Variants in AOPEP observed in about 807,000 individuals in gnomAD.
AOPEP encodes the protein aminopeptidase O (putative).
AOPEP carries 77 observed loss-of-function variants against 98.1 expected under a neutral mutation model. That is an observed-to-expected ratio of 0.78 (90% CI 0.65 to 0.95). AOPEP has a LOEUF of 0.95. AOPEP is among the 40% of genes least tolerant of loss of function. The probability of loss-of-function intolerance (pLI) is 0.00; values close to 1 mark genes in which losing one functional copy is unlikely to be tolerated. For synonymous variants in AOPEP, 346 were observed against 365.3 expected (o/e 0.95, Z 0.60); for missense variants, 1,024 against 1,024.7 (o/e 1.00, Z 0.01).
At chr9:95,072,367 G>T (rs938491227) in intron 14 of AOPEP, among the ~76,000 whole-genome samples, 2 of 152,206 alleles carry the variant, frequency 1.3e-5, no homozygotes, top group Non-Finnish European at 2.9e-5. Context: ...GATATCTTGG[G>T]TTAAAAAGAG....
the AOPEP span, among the ~76,000 whole-genome samples, chr9:95,094,430 G>C: frequency 6.6e-6 from 1 of 152,164 alleles, no homozygotes; most frequent in East Asian, 1.9e-4. Flanking sequence ...CGATCCGCCT[G>C]CAGAACTTTT....
At chr9:95,113,551 C>T in the AOPEP span, among the ~76,000 whole-genome samples, 275 of 151,518 alleles carry the variant, frequency 1.8e-3, 2 homozygotes, top group African/African-American at 6.4e-3. Flanking sequence ...CCCAGCACGA[C>T]GGGAGGCCAA....
At chr9:94,752,135 G>A (rs1163430184) in intron 1 of AOPEP, among the ~76,000 whole-genome samples, 1 of 151,988 alleles carries the variant, frequency 6.6e-6, no homozygotes, top group African/African-American at 2.4e-5. Context: ...TGATCCTCCC[G>A]CCTTGGCCTT....
chr9:95,026,567 C>T (rs1391816274), intron 13 of AOPEP, among the ~76,000 whole-genome samples: 2 of 152,200 alleles, frequency 1.3e-5, no homozygotes, highest in Admixed American at 1.3e-4. Flanking sequence ...TTTATGGTTA[C>T]ACCACATTTT....
intron 13 of AOPEP, among the ~76,000 whole-genome samples, chr9:95,028,254 T>A (rs759965840): frequency 6.6e-5 from 10 of 152,244 alleles, no homozygotes; most frequent in Non-Finnish European, 1.5e-4. Context: ...GAGGCACTTT[T>A]GTCATGTGGT....
At position 94,994,272 on chromosome 9, in the gene AOPEP, G is replaced by A. The variant is rs1373727416; in HGVS notation, c.1978-10886G>A. Among the ~76,000 whole-genome samples, 4 of 152,144 alleles carry A rather than the reference G, an allele frequency of 2.6e-5. No individual in the cohort carries two copies. The East Asian group carries it at 7.7e-4, about 29-fold the overall frequency. On this transcript the variant is annotated intron_variant, in intron 11 of 16. Coordinates refer to ENST00000375315, the MANE Select transcript of AOPEP (RefSeq NM_001193329.3). ...TTAAGCTGCAAATGGGTAAATCTAA[G>A]AATATGTAGATTGTCTAACTCTCTA... is the stretch of plus-strand genomic sequence containing the variant.
chr9:94,746,829 G>A (rs1834586463), intron 1 of AOPEP, among the ~76,000 whole-genome samples: 1 of 152,090 alleles, frequency 6.6e-6, no homozygotes, highest in South Asian at 2.1e-4. Context: ...ATATACTGAT[G>A]GAATAAAATC....
chr9:95,076,209 G>C (rs989956740), intron 14 of AOPEP, among the ~76,000 whole-genome samples: 2 of 152,244 alleles, frequency 1.3e-5, no homozygotes, highest in Non-Finnish European at 2.9e-5. Flanking sequence ...CAGTGGTGGT[G>C]ATGGTACAGG....
intron 1 of AOPEP, among the ~76,000 whole-genome samples, chr9:94,741,576 C>T (rs982021270): frequency 2.2e-4 from 34 of 152,010 alleles, no homozygotes; most frequent in African/African-American, 8.0e-4. Context: ...CGGCCTTCCC[C>T]CTTCTTTTTT....
the AOPEP span, chr9:95,117,224 C>T: frequency 9.1e-7 from 1 of 1,098,028 alleles, no homozygotes; most frequent in South Asian, 1.3e-5. Context: ...CTCCCTCATG[C>T]TGTAGATAAG....
rs1230954675 is a variant in AOPEP, at chr9:94,957,202, CTTTTTTGTTGT to C, written c.1872+1200_1872+1210del. On this transcript the variant is annotated intron_variant, in intron 9 of 16. Transcript: ENST00000375315. ...TGTTCAGTTCTTCGTTTGCTTCTCT[CTTTTTTGTTGT>C]TTTTTTGTTGTTGGAGACAGATTCT... Among the ~76,000 whole-genome samples the C allele has an allele frequency of 2.0e-5, 3 of 152,182 alleles. No individual in the cohort carries two copies. In the East Asian group the frequency reaches 5.8e-4, roughly 29 times the overall value.
intron 11 of AOPEP, among the ~76,000 whole-genome samples, chr9:94,985,487 A>G (rs2060464789): frequency 6.6e-6 from 1 of 152,238 alleles, no homozygotes; most frequent in Admixed American, 6.5e-5. Context: ...AATGACTAGT[A>G]GACTTCTTAT....
the AOPEP span, among the ~76,000 whole-genome samples, chr9:95,112,802 A>G: frequency 2.6e-5 from 4 of 152,236 alleles, no homozygotes; most frequent in Non-Finnish European, 5.9e-5. Context: ...CCTGAAAGGT[A>G]TCTCATGGCT....
downstream of AOPEP, among the ~76,000 whole-genome samples, chr9:95,087,555 C>T (rs2070796895): frequency 6.6e-6 from 1 of 151,264 alleles, no homozygotes; most frequent in Non-Finnish European, 1.5e-5. Flanking sequence ...TGTTCCCCCC[C>T]CACCTCACTA....
chr9:95,050,994 G>A (rs751369135), intron 13 of AOPEP, among the ~76,000 whole-genome samples: 22 of 152,054 alleles, frequency 1.4e-4, no homozygotes, highest in Admixed American at 5.9e-4. Context: ...CTGAGGATCG[G>A]AGTGGTTGAC....
At chr9:95,141,418 T>C in the AOPEP span, among the ~76,000 whole-genome samples, 3 of 152,110 alleles carry the variant, frequency 2.0e-5, no homozygotes, top group Non-Finnish European at 2.9e-5. Context: ...CTGCTAATTC[T>C]TTGCCACCTT....
the AOPEP span, among the ~76,000 whole-genome samples, chr9:95,136,376 C>T: frequency 2.0e-5 from 3 of 151,988 alleles, no homozygotes; most frequent in Admixed American, 6.6e-5. Context: ...GAGCAAGACC[C>T]TGTCTCAAAA....
At chr9:94,835,995 G>C (rs894989836) in intron 5 of AOPEP, among the ~76,000 whole-genome samples, 3 of 152,196 alleles carry the variant, frequency 2.0e-5, no homozygotes, top group Non-Finnish European at 4.4e-5. Flanking sequence ...GAGGTCTGAG[G>C]TGCAGTGGTA....
the AOPEP span, chr9:95,100,502 G>A: frequency 8.6e-6 from 2 of 232,080 alleles, no homozygotes; most frequent in Admixed American, 5.6e-5. Context: ...ATGGACAAAA[G>A]CAAGTCTTGA....
Sources: gnomAD v4.1 joint callset for allele counts (sites outside exome capture counted in the v4.1 genomes callset) on GRCh38, gnomAD v4.1.1 for gene constraint, MANE v1.5 for transcripts, NCBI Gene and HGNC (gene_info 2026-07-23, HGNC 2026-07-21) for gene names.